Variants in CENPM observed in about 807,000 individuals in gnomAD.
CENPM encodes the protein interphase centromere complex protein 39.
Under a neutral mutation model 19.6 loss-of-function variants are expected in CENPM, and 14 were observed. The observed-to-expected ratio is 0.71, with a 90% CI of 0.47 to 1.11. The LOEUF (loss-of-function observed/expected upper bound fraction) is 1.11. Ranked by LOEUF, CENPM falls within the 50% of genes most tolerant of loss-of-function variation. The pLI, the probability that CENPM is intolerant of heterozygous loss-of-function variation, is 0.00. For missense variants in CENPM, 239 were observed against 228.4 expected, an observed-to-expected ratio of 1.05 and a Z score of -0.30; for synonymous variants, 114 against 101.5, an observed-to-expected ratio of 1.12 and a Z score of -0.74.
downstream of CENPM, among the ~76,000 whole-genome samples, chr22:41,937,143 C>T (rs775225036): frequency 8.5e-5 from 13 of 152,154 alleles, no homozygotes; most frequent in Non-Finnish European, 1.5e-4. Flanking sequence ...CCTCTACAAT[C>T]TCCAATTAGA....
intron 3 of CENPM, 104 bp from the exon 4 acceptor site, chr22:41,945,408 C>G: frequency 6.6e-6 from 10 of 1,505,072 alleles, no homozygotes; most frequent in Non-Finnish European, 8.1e-6. Flanking sequence ...CAGAGAATGA[C>G]AAGAGGGTGA....
chr22:41,928,176 T>C, the CENPM span: 89 of 430,936 alleles, frequency 2.1e-4, no homozygotes, highest in African/African-American at 1.5e-3. This position sits in a 1 kb window ranked among gnomAD's most constrained non-coding sequence, Gnocchi z 4.0. Context: ...GATCTGCCTA[T>C]GAGTGAGGGA....
the CENPM span, among the ~76,000 whole-genome samples, chr22:41,932,535 C>T: frequency 3.3e-5 from 5 of 152,226 alleles, no homozygotes; most frequent in Non-Finnish European, 7.3e-5. The surrounding 1 kb of genome is among the most constrained non-coding windows in gnomAD (Gnocchi z 4.3). Context: ...TCATCCAGCC[C>T]GCCACTCCAT....
rs75965877 is a variant in CENPM, at chr22:41,945,170, G to A, written c.310+55C>T. The A allele has an allele frequency of 3.0e-4, 484 of 1,612,250 alleles. 1 individual carries two copies. The African/African-American group carries it at 5.3e-3, about 18-fold the overall frequency. On this transcript the variant is annotated intron_variant, in intron 4 of 5. Transcript: ENST00000215980. The stretch of plus-strand genomic sequence containing the variant: ...GTGCCTCAGCAAGAAGCCTACGGCC[G>A]CCCCAGCTTTCCCTTGGCTGGGGGT...
At chr22:41,929,935 CTTTTTTTTTTTTTT>C in the CENPM span, among the ~76,000 whole-genome samples, 34 of 97,674 alleles carry the variant, frequency 3.5e-4, 1 homozygote, top group Admixed American at 2.2e-3. Flanking sequence ...TTCCCCGTGG[CTTTTTTTTTTTTTT>C]TTTTTTTTTT....
downstream of CENPM, among the ~76,000 whole-genome samples, chr22:41,935,592 C>A (rs184323194): frequency 2.6e-5 from 4 of 152,280 alleles, no homozygotes; most frequent in East Asian, 7.8e-4. Flanking sequence ...GGAGCCTCCC[C>A]TCCTCAAGCA....
At chr22:41,933,022 A>G in the CENPM span, among the ~76,000 whole-genome samples, 1 of 152,164 alleles carries the variant, frequency 6.6e-6, no homozygotes, top group Admixed American at 6.5e-5. Flanking sequence ...TCAGAAGGGC[A>G]GGGTGCTCGA....
chr22:41,946,456 T>G lies in CENPM; in HGVS notation c.98A>C (p.Asp33Ala), dbSNP rs541800268. 3.1e-6 allele frequency: 5 copies of G among 1,612,914 alleles called. No individual in the cohort carries two copies. Among genetic ancestry groups the G allele is most frequent in the Non-Finnish European group, 3.4e-6 (4 of 1,179,946 alleles). ...TEDALLQQLA[D>A]SMLKEDCASE... ...GGCGCAGTCCTCTTTGAGCATCGAG[T>G]CCGCCAGCTGCTGCAGAAGAGCATC... Residue 33 changes from aspartate (D) to alanine (A), a missense_variant, in exon 2 of 6, where the codon GAC becomes GCC. Asp to Ala is a moderately radical substitution (Grantham distance 126). Transcript: ENST00000215980.
chr22:41,945,136 T>A, intron 4 of CENPM, 89 bp downstream of exon 4: 1 of 1,596,286 alleles, frequency 6.3e-7, no homozygotes, highest in Non-Finnish European at 8.5e-7. Context: ...GCTCTTTCCA[T>A]CACCCAGGGT....
In CENPM at chr22:41,939,157, G is replaced by T; in HGVS notation, c.442C>A (p.Arg148Ser). 1 of 1,612,432 alleles carries T rather than the reference G, an allele frequency of 6.2e-7. No individual in the cohort carries two copies. Among genetic ancestry groups the T allele is most frequent in the Non-Finnish European group, 8.5e-7 (1 of 1,179,732 alleles). Residue 148 changes from arginine to serine, a missense_variant, in exon 6 of 6, where the codon CGC becomes AGC. By Grantham distance (110) the Arg-to-Ser change is moderately radical. Transcript: ENST00000215980. ...FRATMAQRLV[R>S]VLQICAGHVP... ...TGGCCAGCACAGATCTGCAGCACGC[G>T]CACCAGGCGCTGCGCCATGGTGGCC...
At chr22:41,945,002 G>T in intron 4 of CENPM, 2 of 1,365,336 alleles carry the variant, frequency 1.5e-6, no homozygotes, top group Non-Finnish European at 1.9e-6. Context: ...TTGTGTCATG[G>T]GGTTTGTTGT....
downstream of CENPM, among the ~76,000 whole-genome samples, chr22:41,934,896 T>C (rs1340030141): frequency 6.6e-6 from 1 of 152,188 alleles, no homozygotes; most frequent in Non-Finnish European, 1.5e-5. Flanking sequence ...TGATCTTCCA[T>C]TACTTCCCTC....
chr22:41,945,639 G>A (rs966786465), intron 3 of CENPM, among the ~76,000 whole-genome samples: 1 of 151,878 alleles, frequency 6.6e-6, no homozygotes, highest in Admixed American at 6.6e-5. Flanking sequence ...TAGTAGAGAC[G>A]GGGTTTCACC....
downstream of CENPM, among the ~76,000 whole-genome samples, chr22:41,935,196 C>A (rs1159896718): frequency 6.6e-6 from 1 of 152,288 alleles, no homozygotes; most frequent in Non-Finnish European, 1.5e-5. Flanking sequence ...CTGGAGAATG[C>A]GATGCCACTT....
the CENPM span, among the ~76,000 whole-genome samples, chr22:41,927,459 C>T: frequency 1.3e-5 from 2 of 152,246 alleles, no homozygotes; most frequent in African/African-American, 4.8e-5. Context: ...CACCTGTCTC[C>T]TCCTCTCTTC....
intron 5 of CENPM, among the ~76,000 whole-genome samples, chr22:41,940,408 CAG>C (rs1277056907): frequency 6.6e-6 from 1 of 152,168 alleles, no homozygotes; most frequent in African/African-American, 2.4e-5. Context: ...TGTTTTGAGA[CAG>C]AGTCTCGCTT....
At chr22:41,940,751 A>G (rs1248166843) in intron 5 of CENPM, among the ~76,000 whole-genome samples, 1 of 152,170 alleles carries the variant, frequency 6.6e-6, no homozygotes, top group African/African-American at 2.4e-5. Context: ...GGTACCACAG[A>G]AACTCAGGAA....
At chr22:41,928,940 G>C in the CENPM span, among the ~76,000 whole-genome samples, 2 of 152,138 alleles carry the variant, frequency 1.3e-5, no homozygotes, top group African/African-American at 4.8e-5. This position sits in a 1 kb window ranked among gnomAD's most constrained non-coding sequence, Gnocchi z 4.0. Flanking sequence ...AGACCCTGAA[G>C]GTTCACAAAG....
At chr22:41,938,213 T>C (rs2077692760), downstream of CENPM, among the ~76,000 whole-genome samples, 1 of 141,258 alleles carries the variant, frequency 7.1e-6, no homozygotes, top group East Asian at 2.1e-4. Context: ...GTAATCTCGG[T>C]TCAACACCAC....
Sources: gnomAD v4.1 joint callset for allele counts (sites outside exome capture counted in the v4.1 genomes callset) on GRCh38, gnomAD v4.1.1 for gene constraint, Gnocchi (gnomAD v3.1) non-coding constraint, MANE v1.5 for transcripts, NCBI Gene and HGNC (gene_info 2026-07-23, HGNC 2026-07-21) for gene names.